ATP8A1: variants seen among roughly 807,000 people sequenced by gnomAD.
ATP8A1 encodes ATPase phospholipid transporting 8A1.
ATP8A1 carries 90 observed loss-of-function variants against 177.7 expected under a neutral mutation model. The ratio of observed to expected loss-of-function variants is 0.51; its 90% CI spans 0.43 to 0.60. The LOEUF is 0.60. ATP8A1 is among the 20% of genes least tolerant of loss of function. ATP8A1 has a pLI of 0.00. For synonymous variants in ATP8A1, 493 were observed against 485.9 expected, an observed-to-expected ratio of 1.01 and a Z score of -0.19; for missense variants, 1,072 against 1,392.8, an observed-to-expected ratio of 0.77 and a Z score of 3.67.
At chr4:42,443,453 C>T (rs2153174587) in intron 33 of ATP8A1, 112 bp downstream of exon 33, 1 of 563,850 alleles carries the variant, frequency 1.8e-6, no homozygotes. Context: ...ATGGTCAAAT[C>T]CTATTTTAAT....
chr4:42,607,826 T>C (rs527637113), intron 5 of ATP8A1, among the ~76,000 whole-genome samples: 1 of 147,410 alleles, frequency 6.8e-6, no homozygotes, highest in African/African-American at 2.5e-5. Context: ...ATTCCTCCAA[T>C]ATATGGAAAG....
intron 29 of ATP8A1, 28 bp from the exon 30 acceptor site, chr4:42,452,087 C>T: frequency 2.0e-6 from 3 of 1,537,414 alleles, no homozygotes. Flanking sequence ...TCCATGAGAA[C>T]CATTTGCGAT....
At chr4:42,604,562 T>C (rs1235561487) in intron 5 of ATP8A1, among the ~76,000 whole-genome samples, 1 of 152,226 alleles carries the variant, frequency 6.6e-6, no homozygotes, top group African/African-American at 2.4e-5. Context: ...GTAGGGCTCA[T>C]GTTAAAAATA....
chr4:42,600,415 T>C, intron 6 of ATP8A1, 63 bp downstream of exon 6: 1 of 1,311,740 alleles, frequency 7.6e-7, no homozygotes, highest in South Asian at 1.8e-5. Context: ...CAAAAAATTA[T>C]ATATACTAGA....
chr4:42,621,934 A>G (rs1737500408), intron 4 of ATP8A1, among the ~76,000 whole-genome samples: 1 of 152,338 alleles, frequency 6.6e-6, no homozygotes, highest in Admixed American at 6.5e-5. Flanking sequence ...CTGCACACCT[A>G]CAACCATCTG....
At chr4:42,433,956 G>C (rs1458904442) in intron 33 of ATP8A1, among the ~76,000 whole-genome samples, 1 of 151,648 alleles carries the variant, frequency 6.6e-6, no homozygotes. Context: ...AAAATTTTTT[G>C]ACTATATATC....
intron 33 of ATP8A1, among the ~76,000 whole-genome samples, chr4:42,441,544 C>T (rs945941952): frequency 1.3e-5 from 2 of 152,010 alleles, no homozygotes; most frequent in East Asian, 1.9e-4. Flanking sequence ...ACTTATTAGC[C>T]TAATGCCCAA....
chr4:42,437,091 A>AT (rs1716079823), intron 33 of ATP8A1, among the ~76,000 whole-genome samples: 1 of 152,152 alleles, frequency 6.6e-6, no homozygotes, highest in African/African-American at 2.4e-5. Flanking sequence ...AGTTTTATAG[A>AT]TCCCTTAGGC....
At chr4:42,541,787 A>G (rs898910559) in intron 20 of ATP8A1, among the ~76,000 whole-genome samples, 4 of 152,212 alleles carry the variant, frequency 2.6e-5, no homozygotes, top group Non-Finnish European at 5.9e-5. Flanking sequence ...ATACCATATC[A>G]TTCTAACTAT....
chr4:42,466,874 T>C (rs1225754250), intron 25 of ATP8A1, among the ~76,000 whole-genome samples: 2 of 152,244 alleles, frequency 1.3e-5, no homozygotes, highest in Admixed American at 6.5e-5. Flanking sequence ...TGGACTATAG[T>C]TGACATTTAG....
intron 16 of ATP8A1, 62 bp from the exon 17 acceptor site, chr4:42,552,672 A>G (rs537648944): frequency 1.4e-5 from 16 of 1,143,212 alleles, no homozygotes; most frequent in Non-Finnish European, 1.8e-5. Flanking sequence ...ACTGACAGTA[A>G]TATTACTTCA....
intron 31 of ATP8A1, among the ~76,000 whole-genome samples, chr4:42,445,356 CTATACTTGTAAACTGGGACTGA>C (rs1254158468): frequency 6.6e-6 from 1 of 152,086 alleles, no homozygotes; most frequent in African/African-American, 2.4e-5. Context: ...GTCTCGACTC[CTATACTTGTAAACTGGGACTGA>C]TAAAGCTTAC....
intron 15 of ATP8A1, among the ~76,000 whole-genome samples, chr4:42,565,226 C>T (rs1038157827): frequency 1.3e-5 from 2 of 152,140 alleles, no homozygotes. Context: ...AAGGCAATTA[C>T]AAAAGAGGAA....
intron 22 of ATP8A1, among the ~76,000 whole-genome samples, chr4:42,516,723 C>T (rs1035611808): frequency 3.3e-5 from 5 of 152,208 alleles, no homozygotes; most frequent in African/African-American, 1.2e-4. Context: ...AGACCAGAGA[C>T]TTCTATACTA....
At chr4:42,609,631 C>T (rs1468840637) in intron 5 of ATP8A1, among the ~76,000 whole-genome samples, 1 of 152,134 alleles carries the variant, frequency 6.6e-6, no homozygotes, top group Non-Finnish European at 1.5e-5. Flanking sequence ...TGTCTCAGTC[C>T]TGGTCTTTTG....
chr4:42,561,513 A>G (rs1330530557), intron 15 of ATP8A1: 2 of 152,264 alleles, frequency 1.3e-5, no homozygotes, highest in East Asian at 1.9e-4. Context: ...CCCACTCACA[A>G]CCTCAACCAC....
intron 25 of ATP8A1, among the ~76,000 whole-genome samples, chr4:42,478,101 T>C (rs1721272962): frequency 6.6e-6 from 1 of 152,102 alleles, no homozygotes. Context: ...ATGCCTGTAA[T>C]CCCAGCCCTT....
Position 42,627,097 on chromosome 4 carries a change from G to A in ATP8A1, c.62C>T (p.Thr21Ile). 2.5e-6 allele frequency: 4 copies of A among 1,612,856 alleles called. No individual in the cohort carries two copies. Among genetic ancestry groups the A allele is most frequent in the Non-Finnish European group, 2.5e-6 (3 of 1,178,944 alleles). Residue 21 changes from threonine (T) to isoleucine (I), a missense_variant, in exon 2 of 37, where the codon ACA (threonine) becomes ATA (isoleucine). Physicochemically the swap from Thr to Ile is moderately conservative, Grantham distance 89. This residue lies in a region of ATP8A1 where 344 missense variants were observed against 393.5 expected (regional missense o/e 0.87). Transcript: ENST00000381668. ...TGAGGTCTTCTCTGAAACATCATCT[G>A]TCTTCTCATAACCTTAAAAAGAGAT... Reference protein sequence around the residue: ...IRSRAEGYEKTDDVSEKTSLA... With the variant: ...IRSRAEGYEKIDDVSEKTSLA...
chr4:42,432,423 T>C (rs1335187476), intron 33 of ATP8A1, among the ~76,000 whole-genome samples: 5 of 152,226 alleles, frequency 3.3e-5, no homozygotes, highest in Non-Finnish European at 7.3e-5. Flanking sequence ...AAATCAACTC[T>C]GCTTTCAGAC....
Sources: allele counts gnomAD v4.1 joint callset (sites outside exome capture counted in the v4.1 genomes callset), GRCh38; gene constraint gnomAD v4.1.1; regional missense constraint gnomAD v4.1.1; transcripts MANE v1.5; gene names NCBI Gene and HGNC (gene_info 2026-07-23, HGNC 2026-07-21).